Variants in KMT5B observed in about 807,000 individuals in gnomAD.
KMT5B encodes the protein lysine methyltransferase 5B.
Under a neutral mutation model 83.2 loss-of-function variants are expected in KMT5B, and 10 were observed. The ratio of observed to expected loss-of-function variants is 0.12; its 90% confidence interval spans 0.07 to 0.20. The LOEUF (loss-of-function observed/expected upper bound fraction) is 0.20. Ranked by LOEUF, KMT5B falls within the 10% of genes least tolerant of loss-of-function variation. KMT5B has a pLI of 1.00. For missense variants in KMT5B, 753 were observed against 1,067.2 expected (o/e 0.71, Z 4.10); for synonymous variants, 349 against 388.8 (o/e 0.90, Z 1.20).
At position 68,158,739 on chromosome 11, in the gene KMT5B, T is replaced by C. The variant is rs1157394853; in HGVS notation, c.1607A>G (p.Tyr536Cys). 2 of 1,614,176 alleles carry C rather than the reference T, an allele frequency of 1.2e-6. No homozygotes were observed. Among genetic ancestry groups the C allele is most frequent in the Admixed American group, 1.7e-5 (1 of 60,026 alleles). The change falls in exon 11 of 11, where the codon TAC (tyrosine) becomes TGC (cysteine). Residue 536 changes from tyrosine to cysteine, a missense_variant. Transcript: ENST00000304363. ...HSQGESSPCT[Y>C]ITRRSVRTRT... Reference sequence around the variant, plus strand: ...TGTCCTCACTGACCGCCGAGTTATGTAGGTGCAGGGCGAGCTCTCCCCCTG... The same window carrying C: ...TGTCCTCACTGACCGCCGAGTTATGCAGGTGCAGGGCGAGCTCTCCCCCTG...
rs771049859 is a variant in KMT5B, at chr11:68,158,291, T to C, written c.2055A>G (p.Thr685=). 2.3e-5 allele frequency: 37 copies of C among 1,614,108 alleles called. No homozygotes were observed. The highest frequency in any genetic ancestry group is 3.0e-5 in the Non-Finnish European group (35 of 1,180,052). The change falls in exon 11 of 11, where the codon ACA becomes ACG. Residue 685 remains threonine, a synonymous_variant. Coordinates refer to ENST00000304363, the MANE Select transcript of KMT5B (RefSeq NM_017635.5). ...CSVVTSDSFK[T]KDSFRTAKSK... ...TTTTTGCAGTTCTAAAGCTGTCTTT[T>C]GTTTTGAAGCTATCTGATGTCACAA...
chr11:68,193,689 G>C (rs1222951043), intron 1 of KMT5B, among the ~76,000 whole-genome samples: 1 of 151,804 alleles, frequency 6.6e-6, no homozygotes, highest in Non-Finnish European at 1.5e-5. Context: ...TCAGTTATAA[G>C]CTAAGGATTT....
At chr11:68,205,571 T>C (rs1859994543) in intron 1 of KMT5B, among the ~76,000 whole-genome samples, 1 of 151,904 alleles carries the variant, frequency 6.6e-6, no homozygotes, top group South Asian at 2.1e-4. Flanking sequence ...CAAAACATTT[T>C]AAGGAGCAAA....
intron 1 of KMT5B, among the ~76,000 whole-genome samples, chr11:68,196,563 A>C (rs192695147): frequency 6.6e-6 from 1 of 151,548 alleles, no homozygotes; most frequent in African/African-American, 2.4e-5. Context: ...GCATTAAAAA[A>C]AACTGTAAAT....
intron 2 of KMT5B, among the ~76,000 whole-genome samples, chr11:68,188,345 CT>C (rs140000923): frequency 3.2e-4 from 47 of 145,198 alleles, no homozygotes; most frequent in Non-Finnish European, 4.4e-4. Flanking sequence ...TTTCTAAACT[CT>C]TTTTTTTTTT....
intron 1 of KMT5B, among the ~76,000 whole-genome samples, chr11:68,206,671 A>G (rs1456518040): frequency 6.6e-6 from 1 of 152,196 alleles, no homozygotes; most frequent in Admixed American, 6.5e-5. Flanking sequence ...AATGAGCACA[A>G]ACTGCTAACA....
chr11:68,206,547 AC>A (rs1350049286), intron 1 of KMT5B, among the ~76,000 whole-genome samples: 1 of 152,106 alleles, frequency 6.6e-6, no homozygotes, highest in Non-Finnish European at 1.5e-5. Context: ...CACCTGTCCC[AC>A]CCTAGCTTCA....
At chr11:68,180,320 T>C (rs1856797987) in intron 3 of KMT5B, 120 bp from the exon 4 acceptor site, 1 of 1,371,566 alleles carries the variant, frequency 7.3e-7, no homozygotes, top group Non-Finnish European at 9.8e-7. Context: ...TCTGTGATAA[T>C]CAAGAACTTT....
At chr11:68,209,024 G>T (rs1246972822) in intron 1 of KMT5B, among the ~76,000 whole-genome samples, 1 of 152,176 alleles carries the variant, frequency 6.6e-6, no homozygotes, top group Non-Finnish European at 1.5e-5. Context: ...CTGGCTCACT[G>T]GCTGAAGGAT....
At chr11:68,181,928 A>G (rs1348113096) in intron 3 of KMT5B, among the ~76,000 whole-genome samples, 1 of 152,236 alleles carries the variant, frequency 6.6e-6, no homozygotes, top group Non-Finnish European at 1.5e-5. Flanking sequence ...AAGTGCTGGC[A>G]TTGCTAGGAA....
At chr11:68,174,572 G>C (rs911563437) in intron 5 of KMT5B, among the ~76,000 whole-genome samples, 1 of 152,052 alleles carries the variant, frequency 6.6e-6, no homozygotes, top group Non-Finnish European at 1.5e-5. Context: ...CTGTCTCCCA[G>C]GGCTGGAGCG....
At position 68,190,082 on chromosome 11, in the gene KMT5B, C is replaced by G. The variant is rs763809787; in HGVS notation, c.-6G>C. The G allele has an allele frequency of 6.2e-7, 1 of 1,612,864 alleles. No homozygotes were observed. Among genetic ancestry groups the G allele is most frequent in the Non-Finnish European group, 8.5e-7 (1 of 1,179,420 alleles). On this transcript the variant is annotated 5_prime_UTR_variant, in exon 2 of 11. Transcript: ENST00000304363. ...GATTCTCCCAACCACTTCATACCCA[C>G]AGACAGCCTGACCCAGGTGCATTTA... is the stretch of plus-strand genomic sequence containing the variant.
intron 3 of KMT5B, among the ~76,000 whole-genome samples, 189 bp downstream of exon 3, chr11:68,185,592 G>A (rs1306466175): frequency 1.3e-5 from 2 of 152,238 alleles, no homozygotes; most frequent in Non-Finnish European, 2.9e-5. Context: ...TAAGAACACA[G>A]AGTTAGAACT....
intron 10 of KMT5B, among the ~76,000 whole-genome samples, chr11:68,163,547 A>G (rs1218812309): frequency 1.3e-5 from 2 of 152,146 alleles, no homozygotes; most frequent in Admixed American, 1.3e-4. Context: ...CAGACAAAAG[A>G]GCTGTGACCG....
chr11:68,166,414 A>G, intron 10 of KMT5B: 1 of 1,017,224 alleles, frequency 9.8e-7, no homozygotes, highest in Non-Finnish European at 1.2e-6. Context: ...TGGAGTAGCC[A>G]ATACAGCATG....
chr11:68,212,301 T>G (rs1861014144), intron 1 of KMT5B, among the ~76,000 whole-genome samples: 1 of 152,204 alleles, frequency 6.6e-6, no homozygotes, highest in Non-Finnish European at 1.5e-5. Context: ...ACCTGCCCTC[T>G]ATTCTAAGGA....
At chr11:68,194,031 T>C (rs1013870153) in intron 1 of KMT5B, among the ~76,000 whole-genome samples, 21 of 152,174 alleles carry the variant, frequency 1.4e-4, no homozygotes, top group East Asian at 3.9e-4. Context: ...GGGTGGTCCA[T>C]TGGGAGCCTT....
intron 1 of KMT5B, among the ~76,000 whole-genome samples, chr11:68,196,728 G>A (rs1438666589): frequency 6.6e-6 from 1 of 151,584 alleles, no homozygotes; most frequent in Non-Finnish European, 1.5e-5. Context: ...TATACTTTCT[G>A]GTTTACTCCC....
In KMT5B at chr11:68,159,162, C is replaced by T. The variant is rs142141344; in HGVS notation, c.1184G>A (p.Arg395Gln). 1.9e-5 allele frequency: 29 copies of T among 1,567,164 alleles called. No individual in the cohort carries two copies. Among genetic ancestry groups the T allele is most frequent in the Non-Finnish European group, 2.3e-5 (27 of 1,165,068 alleles). The change falls in exon 11 of 11, where the codon CGA becomes CAA. Residue 395 changes from arginine (R) to glutamine (Q), a missense_variant. Physicochemically the swap from Arg to Gln is conservative, Grantham distance 43 (BLOSUM62 1). Around this residue, in one of 9 missense-constraint regions of KMT5B, gnomAD observed 397 missense variants for 395.9 expected, o/e 1.00. Transcript: ENST00000304363. ...CTTTTTTACGCCAACTGAAGATTTT[C>T]GGTTAGAAGCTGTAAGGTTAAAGAG... ...TQEKNNATSN[R>Q]KSSVGVKKNS... is the part of the protein sequence containing the mutation.
Sources: allele counts gnomAD v4.1 joint callset (sites outside exome capture counted in the v4.1 genomes callset), GRCh38; gene constraint gnomAD v4.1.1; regional missense constraint gnomAD v4.1.1; transcripts MANE v1.5; gene names NCBI Gene and HGNC (gene_info 2026-07-23, HGNC 2026-07-21).